Variants in UBTD2 observed in about 807,000 individuals in gnomAD.
UBTD2 encodes the protein ubiquitin domain containing 2, also known as ubiquitin domain-containing protein 2.
In UBTD2, 9 loss-of-function variants were observed where a neutral mutation model predicts 19.8. That is an observed-to-expected ratio of 0.46 (90% CI 0.27 to 0.79). The LOEUF (loss-of-function observed/expected upper bound fraction) is 0.79. Ranked by LOEUF, UBTD2 falls within the 30% of genes least tolerant of loss-of-function variation. The pLI is 0.14. For synonymous variants in UBTD2, 98 were observed against 103.9 expected, an observed-to-expected ratio of 0.94 and a Z score of 0.35; for missense variants, 250 against 300.4, an observed-to-expected ratio of 0.83 and a Z score of 1.24.
At chr5:172,215,252 TGGA>T (rs1322187124) in intron 2 of UBTD2, among the ~76,000 whole-genome samples, 2 of 152,196 alleles carry the variant, frequency 1.3e-5, no homozygotes, top group Non-Finnish European at 2.9e-5. Context: ...TTCCCTGGGT[TGGA>T]GGAGGGTGCA....
At chr5:172,271,420 C>T (rs1755487975) in intron 1 of UBTD2, among the ~76,000 whole-genome samples, 1 of 140,360 alleles carries the variant, frequency 7.1e-6, no homozygotes, top group Non-Finnish European at 1.5e-5. Context: ...CAGAGCTAGA[C>T]TCCACCTCAA....
At chr5:172,212,272 T>G in intron 2 of UBTD2, 45 bp from the exon 3 acceptor site, 1 of 1,530,988 alleles carries the variant, frequency 6.5e-7, no homozygotes, top group Admixed American at 2.1e-5. Flanking sequence ...CCTTAATGAA[T>G]GCATTTTTGT....
chr5:172,264,223 C>G (rs1755327749), intron 1 of UBTD2, among the ~76,000 whole-genome samples: 1 of 151,980 alleles, frequency 6.6e-6, no homozygotes, highest in Non-Finnish European at 1.5e-5. Context: ...TCTCCTCCTC[C>G]TCCAGCATCC....
chr5:172,236,579 T>G (rs996608141), intron 1 of UBTD2, among the ~76,000 whole-genome samples: 1 of 152,246 alleles, frequency 6.6e-6, no homozygotes, highest in Non-Finnish European at 1.5e-5. Flanking sequence ...TTTTATTTTC[T>G]GCTACATTAT....
At chr5:172,276,373 T>C (rs1380503361) in intron 1 of UBTD2, among the ~76,000 whole-genome samples, 1 of 152,238 alleles carries the variant, frequency 6.6e-6, no homozygotes, top group Non-Finnish European at 1.5e-5. Context: ...TTCTCCATCA[T>C]TTTCTCTCAC....
intron 2 of UBTD2, among the ~76,000 whole-genome samples, chr5:172,228,581 C>T (rs372339762): frequency 1.3e-5 from 2 of 152,052 alleles, no homozygotes; most frequent in East Asian, 1.9e-4. Flanking sequence ...ATTAGATGGG[C>T]GTGGTGCTGC....
At chr5:172,256,987 C>T (rs56020406) in intron 1 of UBTD2, among the ~76,000 whole-genome samples, 47,376 of 149,250 alleles carry the variant, frequency 0.32, 7,459 homozygotes, top group South Asian at 0.4. Context: ...TCTTTTTTTT[C>T]TTCTTCTTCC....
intron 2 of UBTD2, among the ~76,000 whole-genome samples, chr5:172,232,330 A>AAG (rs1316887393): frequency 6.6e-6 from 1 of 151,906 alleles, no homozygotes; most frequent in African/African-American, 2.4e-5. Flanking sequence ...AAAAAAAAAA[A>AAG]AAAGTCACAC....
At chr5:172,251,465 C>CAAAAAAAAAAAAAAAAAA (rs59810255) in intron 1 of UBTD2, among the ~76,000 whole-genome samples, 2 of 91,954 alleles carry the variant, frequency 2.2e-5, no homozygotes, top group Non-Finnish European at 4.5e-5. Context: ...TCAAACTGTC[C>CAAAAAAAAAAAAAAAAAA]AAAAAAAAAA....
intron 1 of UBTD2, chr5:172,255,040 G>A (rs1172243646): frequency 3.8e-6 from 2 of 526,812 alleles, no homozygotes; most frequent in Admixed American, 2.3e-5. Context: ...TTCTGTGCCA[G>A]GAGAGGGCAG....
chr5:172,214,982 G>A (rs570349606), intron 2 of UBTD2, among the ~76,000 whole-genome samples: 2 of 152,284 alleles, frequency 1.3e-5, no homozygotes, highest in South Asian at 2.1e-4. Context: ...CACTGCCCCC[G>A]AAATAGGAGA....
intron 1 of UBTD2, among the ~76,000 whole-genome samples, chr5:172,274,844 T>C (rs1755575706): frequency 6.6e-6 from 1 of 151,990 alleles, no homozygotes; most frequent in Non-Finnish European, 1.5e-5. Context: ...ATTGAGACCA[T>C]CCTAACACGG....
intron 2 of UBTD2, 103 bp from the exon 3 acceptor site, chr5:172,212,330 A>T (rs959487171): frequency 1.0e-5 from 13 of 1,289,878 alleles, no homozygotes; most frequent in Non-Finnish European, 1.4e-5. Flanking sequence ...ATGGCACTGT[A>T]GAGAAAAAAC....
intron 1 of UBTD2, among the ~76,000 whole-genome samples, chr5:172,260,680 T>C (rs1199719158): frequency 6.6e-6 from 1 of 152,230 alleles, no homozygotes; most frequent in Non-Finnish European, 1.5e-5. Flanking sequence ...TAAGCAATTC[T>C]TCCCATTCTC....
chr5:172,214,899 G>A lies in UBTD2; in HGVS notation c.308-2672C>T, dbSNP rs567841915. 1.1e-4 allele frequency among the ~76,000 whole-genome samples: 16 copies of A among 152,276 alleles called. No individual in the cohort carries two copies. In the East Asian group the frequency reaches 3.1e-3, roughly 29 times the overall value. On this transcript the variant is annotated intron_variant, in intron 2 of 2. Transcript: ENST00000393792. ...AGAAGTCACCACTCCATCCTAACAAGTAAAAGGCTGAGCAAACTGAAAAAT... is the reference window on the plus strand; with the variant it reads ...AGAAGTCACCACTCCATCCTAACAAATAAAAGGCTGAGCAAACTGAAAAAT...
At chr5:172,265,554 C>T (rs1581231752) in intron 1 of UBTD2, among the ~76,000 whole-genome samples, 1 of 152,220 alleles carries the variant, frequency 6.6e-6, no homozygotes, top group Non-Finnish European at 1.5e-5. Context: ...TGGTCTCGAT[C>T]TCCTGACCTT....
chr5:172,265,074 A>G (rs1180426257), intron 1 of UBTD2, among the ~76,000 whole-genome samples: 1 of 152,238 alleles, frequency 6.6e-6, no homozygotes, highest in East Asian at 1.9e-4. Flanking sequence ...ACATGCAATT[A>G]ATACTCTGTT....
At chr5:172,280,838 A>C (rs543256182) in intron 1 of UBTD2, among the ~76,000 whole-genome samples, 9 of 152,150 alleles carry the variant, frequency 5.9e-5, no homozygotes, top group Non-Finnish European at 1.3e-4. Flanking sequence ...TCTTATAAAA[A>C]TCTCCCAAAT....
At chr5:172,242,455 C>G (rs1236253119) in intron 1 of UBTD2, 4 of 984,766 alleles carry the variant, frequency 4.1e-6, no homozygotes, top group African/African-American at 3.5e-5. Flanking sequence ...CAGCTGGGGA[C>G]AGTTTTGCCC....
Sources: allele counts gnomAD v4.1 joint callset (sites outside exome capture counted in the v4.1 genomes callset), GRCh38; gene constraint gnomAD v4.1.1; transcripts MANE v1.5; gene names NCBI Gene and HGNC (gene_info 2026-07-23, HGNC 2026-07-21).